Variants in SEMA5A observed in about 807,000 individuals in gnomAD.
SEMA5A encodes semaphorin-5A.
In SEMA5A, 55 loss-of-function variants were observed where a neutral mutation model predicts 135.5. That is an observed-to-expected ratio of 0.41 (90% CI 0.33 to 0.51). The LOEUF is 0.51. Ranked by LOEUF, SEMA5A falls within the 20% of genes least tolerant of loss-of-function variation. The probability of loss-of-function intolerance (pLI) is 0.37; values close to 1 mark genes in which losing one functional copy is unlikely to be tolerated. For missense variants in SEMA5A, 1,290 were observed against 1,419.9 expected (o/e 0.91, Z 1.47); for synonymous variants, 580 against 546.5 (o/e 1.06, Z -0.85).
chr5:9,053,090 A>T (rs2150046617), intron 19 of SEMA5A, among the ~76,000 whole-genome samples: 1 of 152,292 alleles, frequency 6.6e-6, no homozygotes, highest in East Asian at 1.9e-4. Flanking sequence ...GAGCAAGCTA[A>T]AAAAAATTGT....
chr5:9,089,010 T>C (rs916794701), intron 16 of SEMA5A, among the ~76,000 whole-genome samples: 2 of 152,126 alleles, frequency 1.3e-5, no homozygotes, highest in African/African-American at 4.8e-5. Context: ...TCTCCTAAAT[T>C]TACCTGAAAA....
At chr5:9,515,529 A>G (rs1335724636) in intron 1 of SEMA5A, among the ~76,000 whole-genome samples, 1 of 152,176 alleles carries the variant, frequency 6.6e-6, no homozygotes, top group Non-Finnish European at 1.5e-5. Flanking sequence ...AGAACTTGGG[A>G]GAACGTGCAA....
intron 5 of SEMA5A, among the ~76,000 whole-genome samples, chr5:9,305,728 T>TATATATATATA (rs1287444762): frequency 3.2e-5 from 3 of 95,000 alleles, no homozygotes; most frequent in Admixed American, 9.8e-5. Context: ...ATATATATAT[T>TATATATATATA]TACACGCACA....
chr5:9,333,662 T>C (rs916900506), intron 4 of SEMA5A, among the ~76,000 whole-genome samples: 3 of 152,180 alleles, frequency 2.0e-5, no homozygotes, highest in South Asian at 2.1e-4. Context: ...TTCTTTCATT[T>C]TGAATTTTTT....
At chr5:9,481,188 C>T (rs957195642) in intron 1 of SEMA5A, among the ~76,000 whole-genome samples, 5 of 152,180 alleles carry the variant, frequency 3.3e-5, no homozygotes, top group African/African-American at 1.2e-4. Context: ...CTGAAGTGAT[C>T]TGCCCACTTT....
intron 8 of SEMA5A, among the ~76,000 whole-genome samples, chr5:9,203,608 C>T (rs1418231231): frequency 5.9e-5 from 9 of 152,198 alleles, no homozygotes; most frequent in South Asian, 4.1e-4. Flanking sequence ...TACCTATATT[C>T]GATATTTTCA....
intron 15 of SEMA5A, among the ~76,000 whole-genome samples, chr5:9,109,514 T>G (rs1294198426): frequency 1.3e-5 from 2 of 152,204 alleles, no homozygotes; most frequent in Non-Finnish European, 2.9e-5. Context: ...ATAGTCCATC[T>G]AAGAAGCCCA....
chr5:9,088,212 G>A (rs1738811150), intron 16 of SEMA5A, among the ~76,000 whole-genome samples: 2 of 150,852 alleles, frequency 1.3e-5, no homozygotes, highest in South Asian at 2.1e-4. Flanking sequence ...GCTGAGGCAG[G>A]AGAATCCCTT....
chr5:9,444,854 G>A (rs773361257), intron 1 of SEMA5A, among the ~76,000 whole-genome samples: 12 of 152,040 alleles, frequency 7.9e-5, no homozygotes, highest in Admixed American at 5.9e-4. Context: ...TGGTTTGCCC[G>A]CACCGGCCTG....
chr5:9,533,575 T>C (rs1329740213), intron 1 of SEMA5A, among the ~76,000 whole-genome samples: 2 of 152,228 alleles, frequency 1.3e-5, no homozygotes. Context: ...TACTTAAATA[T>C]AGAGCATTTA....
At chr5:9,213,885 G>A (rs1237237619) in intron 8 of SEMA5A, among the ~76,000 whole-genome samples, 1 of 152,140 alleles carries the variant, frequency 6.6e-6, no homozygotes, top group African/African-American at 2.4e-5. Flanking sequence ...GGGAACAGGA[G>A]GGCCATGGCA....
intron 5 of SEMA5A, among the ~76,000 whole-genome samples, chr5:9,249,204 A>G (rs1420732891): frequency 1.3e-5 from 2 of 152,218 alleles, no homozygotes; most frequent in African/African-American, 4.8e-5. Flanking sequence ...AAAACAGAGT[A>G]GAAATTGTGT....
intron 8 of SEMA5A, among the ~76,000 whole-genome samples, chr5:9,214,030 G>A (rs1746483751): frequency 6.6e-6 from 1 of 152,174 alleles, no homozygotes; most frequent in African/African-American, 2.4e-5. Flanking sequence ...ACCCACCAGA[G>A]ACTGGGGAAA....
At chr5:9,542,643 A>C (rs1039161498) in intron 1 of SEMA5A, among the ~76,000 whole-genome samples, 1 of 152,242 alleles carries the variant, frequency 6.6e-6, no homozygotes, top group Non-Finnish European at 1.5e-5. Flanking sequence ...CTATAGCAAC[A>C]ATTGCAGAAA....
intron 3 of SEMA5A, among the ~76,000 whole-genome samples, chr5:9,375,713 AG>A (rs1289808774): frequency 6.6e-6 from 1 of 151,408 alleles, no homozygotes; most frequent in African/African-American, 2.4e-5. Flanking sequence ...AGAAGCAACC[AG>A]GAAAGTCCCA....
intron 3 of SEMA5A, among the ~76,000 whole-genome samples, chr5:9,379,387 A>G (rs1448693403): frequency 6.6e-6 from 1 of 152,240 alleles, no homozygotes; most frequent in Non-Finnish European, 1.5e-5. Flanking sequence ...ACATTAAATC[A>G]ATTCTGCTGC....
At chr5:9,131,598 A>G (rs1741421777) in intron 13 of SEMA5A, among the ~76,000 whole-genome samples, 1 of 114,422 alleles carries the variant, frequency 8.7e-6, no homozygotes, top group African/African-American at 3.4e-5. Context: ...ACAGAGCGAG[A>G]CTCCATCTCA....
intron 3 of SEMA5A, among the ~76,000 whole-genome samples, chr5:9,344,342 T>C (rs1425014599): frequency 6.6e-6 from 1 of 152,212 alleles, no homozygotes; most frequent in African/African-American, 2.4e-5. Context: ...TAAGGCAATA[T>C]TTCTATAAGA....
At chr5:9,256,525 C>T (rs1481951639) in intron 5 of SEMA5A, among the ~76,000 whole-genome samples, 1 of 152,316 alleles carries the variant, frequency 6.6e-6, no homozygotes, top group Non-Finnish European at 1.5e-5. Flanking sequence ...CTTTGCCACC[C>T]TATCTACAAG....
Sources: allele counts gnomAD v4.1 joint callset (sites outside exome capture counted in the v4.1 genomes callset), GRCh38; gene constraint gnomAD v4.1.1; transcripts MANE v1.5; gene names NCBI Gene and HGNC (gene_info 2026-07-23, HGNC 2026-07-21).